The following CADPS2 variants were observed in gnomAD, a reference collection of about 807,000 sequenced individuals.
CADPS2 encodes calcium-dependent secretion activator 2.
A neutral mutation model predicts 172.5 loss-of-function variants in CADPS2; 93 were observed. The ratio of observed to expected loss-of-function variants is 0.54; its 90% CI spans 0.46 to 0.64. The LOEUF (loss-of-function observed/expected upper bound fraction) is 0.64, where lower values mean the gene tolerates loss of function less well. Among genes scored for constraint, CADPS2 ranks in the 30% least tolerant of loss-of-function variants. The pLI is 0.00. For missense variants in CADPS2, 1,420 were observed against 1,565.9 expected (o/e 0.91, Z 1.57); for synonymous variants, 546 against 555.2 (o/e 0.98, Z 0.23).
At chr7:122,859,805 T>C (rs1412671793) in intron 1 of CADPS2, among the ~76,000 whole-genome samples, 1 of 152,148 alleles carries the variant, frequency 6.6e-6, no homozygotes, top group Non-Finnish European at 1.5e-5. Flanking sequence ...TAAACCATTA[T>C]TATACTATTT....
chr7:122,615,463 T>G (rs1409679185), intron 5 of CADPS2, among the ~76,000 whole-genome samples, 164 bp from the exon 6 acceptor site: 1 of 152,150 alleles, frequency 6.6e-6, no homozygotes, highest in East Asian at 1.9e-4. Flanking sequence ...CCACCTCTAT[T>G]CATAGAAGGT....
chr7:122,551,614 A>G (rs2064311499), intron 8 of CADPS2, among the ~76,000 whole-genome samples: 1 of 152,072 alleles, frequency 6.6e-6, no homozygotes, highest in East Asian at 1.9e-4. Flanking sequence ...TCAAAGTCTA[A>G]AGTGCTCTGA....
chr7:122,417,238 T>C (rs1464386808), intron 17 of CADPS2, among the ~76,000 whole-genome samples: 1 of 152,158 alleles, frequency 6.6e-6, no homozygotes, highest in Admixed American at 6.5e-5. Flanking sequence ...CGGTGCTCAT[T>C]CATTAAATAT....
chr7:122,597,812 G>A (rs551484902), intron 6 of CADPS2, among the ~76,000 whole-genome samples: 12 of 151,892 alleles, frequency 7.9e-5, no homozygotes, highest in Non-Finnish European at 1.0e-4. Context: ...ATGTAACTGT[G>A]GATTTTTGTT....
chr7:122,544,376 A>C lies in CADPS2; in HGVS notation c.1475+10174T>G, dbSNP rs73717676. 7.8e-3 allele frequency among the ~76,000 whole-genome samples: 1,193 copies of C among 152,326 alleles called. 17 individuals carry two copies. The highest frequency in any genetic ancestry group is 0.028 in the African/African-American group (1,153 of 41,598). On this transcript the variant is annotated intron_variant, in intron 8 of 29. Transcript: ENST00000449022. ...ATTGAATAGGATTTTGTAAGACAAG[A>C]GTGCACAGTATCTAACCTTTGCTGT...
intron 2 of CADPS2, among the ~76,000 whole-genome samples, chr7:122,713,206 A>T (rs1325727048): frequency 6.6e-6 from 1 of 152,116 alleles, no homozygotes; most frequent in Non-Finnish European, 1.5e-5. Flanking sequence ...TGTTTTATAT[A>T]ATTTTCACAG....
chr7:122,826,395 G>T (rs1403309852), intron 1 of CADPS2, among the ~76,000 whole-genome samples: 1 of 152,140 alleles, frequency 6.6e-6, no homozygotes, highest in Non-Finnish European at 1.5e-5. Context: ...TACAAAAATA[G>T]CTAGGTTTCA....
chr7:122,604,835 G>A (rs1424871270), intron 6 of CADPS2, among the ~76,000 whole-genome samples: 1 of 152,066 alleles, frequency 6.6e-6, no homozygotes, highest in Non-Finnish European at 1.5e-5. Context: ...TCTAACTACA[G>A]TCATGCATTG....
At position 122,801,809 on chromosome 7, in the gene CADPS2, TA is replaced by T. The variant is rs543856481; in HGVS notation, c.340-64742del. Among the ~76,000 whole-genome samples, 20 of 151,872 alleles carry T rather than the reference TA, an allele frequency of 1.3e-4. No individual in the cohort carries two copies. In the East Asian group the frequency reaches 3.9e-3, roughly 29 times the overall value. On this transcript the variant is annotated intron_variant, in intron 1 of 29. Coordinates refer to ENST00000449022, the MANE Select transcript of CADPS2 (RefSeq NM_017954.11). ...TTTTTCTGGAGACATGGTCTCACTA[TA>T]TACCCCAGGCTCTATCAATCCAACC...
At chr7:122,751,355 G>A (rs2092947008) in intron 1 of CADPS2, among the ~76,000 whole-genome samples, 1 of 151,676 alleles carries the variant, frequency 6.6e-6, no homozygotes, top group Non-Finnish European at 1.5e-5. Flanking sequence ...TCATGTCGAG[G>A]GAATGGGTAA....
At chr7:122,464,716 T>C (rs1290946928) in intron 14 of CADPS2, among the ~76,000 whole-genome samples, 1 of 152,102 alleles carries the variant, frequency 6.6e-6, no homozygotes, top group African/African-American at 2.4e-5. Context: ...GATAAAACAC[T>C]TGACTAGTAC....
At chr7:122,869,003 C>A (rs1819028276) in intron 1 of CADPS2, among the ~76,000 whole-genome samples, 1 of 151,858 alleles carries the variant, frequency 6.6e-6, no homozygotes, top group South Asian at 2.1e-4. Context: ...ATCATCGAAT[C>A]TGAGGAGCTA....
chr7:122,438,507 A>T, intron 16 of CADPS2, 43 bp from the exon 17 acceptor site: 1 of 1,602,342 alleles, frequency 6.2e-7, no homozygotes, highest in Non-Finnish European at 8.5e-7. Flanking sequence ...AGGGTTGGGG[A>T]TAGACAGATG....
intron 17 of CADPS2, among the ~76,000 whole-genome samples, chr7:122,435,317 A>T (rs1280191394): frequency 6.6e-6 from 1 of 152,180 alleles, no homozygotes. Context: ...CAGAAACCCA[A>T]ATAGCCCAAC....
chr7:122,574,855 A>T (rs1038634023), intron 7 of CADPS2, among the ~76,000 whole-genome samples: 4 of 152,174 alleles, frequency 2.6e-5, no homozygotes, highest in African/African-American at 9.6e-5. Flanking sequence ...AAACTCTAAT[A>T]GTAACACCCC....
intron 1 of CADPS2, among the ~76,000 whole-genome samples, chr7:122,814,977 C>T (rs148874625): frequency 6.6e-6 from 1 of 151,996 alleles, no homozygotes; most frequent in African/African-American, 2.4e-5. Flanking sequence ...ATTCCTAGGT[C>T]GGCCCCAGAA....
At chr7:122,806,025 G>T (rs886462461) in intron 1 of CADPS2, among the ~76,000 whole-genome samples, 1 of 152,176 alleles carries the variant, frequency 6.6e-6, no homozygotes, top group Non-Finnish European at 1.5e-5. Context: ...CACTGAATGT[G>T]CAAACCTTTG....
chr7:122,684,863 G>A (rs1304211213), intron 2 of CADPS2, among the ~76,000 whole-genome samples: 3 of 152,100 alleles, frequency 2.0e-5, no homozygotes, highest in African/African-American at 7.2e-5. Flanking sequence ...CCAAGGGCCT[G>A]CTGCAGAGGA....
intron 6 of CADPS2, among the ~76,000 whole-genome samples, chr7:122,586,740 G>GA (rs1383188522): frequency 1.3e-5 from 2 of 151,536 alleles, no homozygotes; most frequent in African/African-American, 2.4e-5. Flanking sequence ...TCATTATGTA[G>GA]AAAAAAACAC....
Sources: gnomAD v4.1 joint callset for allele counts (sites outside exome capture counted in the v4.1 genomes callset) on GRCh38, gnomAD v4.1.1 for gene constraint, MANE v1.5 for transcripts, NCBI Gene and HGNC (gene_info 2026-07-23, HGNC 2026-07-21) for gene names.